Variants in LRRC8B observed in about 807,000 individuals in gnomAD.
LRRC8B encodes volume-regulated anion channel subunit LRRC8B.
Under a neutral mutation model 58.8 loss-of-function variants are expected in LRRC8B, and 23 were observed. The observed-to-expected ratio is 0.39, with a 90% CI of 0.28 to 0.55. The LOEUF is 0.55. LRRC8B is among the 20% of genes least tolerant of loss of function. The probability of loss-of-function intolerance (pLI) is 0.62; values close to 1 mark genes in which losing one functional copy is unlikely to be tolerated. For synonymous variants in LRRC8B, 359 were observed against 374.1 expected, an observed-to-expected ratio of 0.96 and a Z score of 0.47; for missense variants, 694 against 936.0, an observed-to-expected ratio of 0.74 and a Z score of 3.37.
intron 1 of LRRC8B, among the ~76,000 whole-genome samples, chr1:89,540,066 A>G (rs1650841146): frequency 1.3e-5 from 2 of 152,190 alleles, no homozygotes; most frequent in Admixed American, 6.5e-5. Flanking sequence ...ATCTTCACGT[A>G]TCATTTCTGG....
rs1354328515 is a variant in LRRC8B, at chr1:89,584,283, T to G, written c.1633T>G (p.Leu545Val). 8 of 1,613,882 alleles carry G rather than the reference T, an allele frequency of 5.0e-6. No homozygotes were observed. Among genetic ancestry groups the G allele is most frequent in the Non-Finnish European group, 6.8e-6 (8 of 1,180,036 alleles). Residue 545 changes from leucine to valine, a missense_variant, in exon 5 of 6, where the codon TTG becomes GTG. By Grantham distance (32) the Leu-to-Val change is conservative. This residue lies in a region of LRRC8B where 162 missense variants were observed against 198.5 expected (regional missense o/e 0.82). Transcript: ENST00000330947. The stretch of plus-strand genomic sequence containing the variant: ...CTTAAAAAATCTAAGGACCCTGTAC[T>G]TGAAGAGCAGCCTCTCCCGGATCCC... ...QDLKNLRTLYLKSSLSRIPQV... is the reference protein window; with the variant it reads ...QDLKNLRTLYVKSSLSRIPQV...
intron 1 of LRRC8B, among the ~76,000 whole-genome samples, chr1:89,562,168 C>CACACACACACAT (rs1553157004): frequency 6.6e-6 from 1 of 151,800 alleles, no homozygotes; most frequent in Admixed American, 6.6e-5. Flanking sequence ...CACACACACA[C>CACACACACACAT]ACACACACAC....
intron 1 of LRRC8B, among the ~76,000 whole-genome samples, chr1:89,532,956 T>G (rs1650248519): frequency 6.6e-6 from 1 of 152,200 alleles, no homozygotes; most frequent in Non-Finnish European, 1.5e-5. Context: ...CCTTGCTTTA[T>G]TCTCCCTACA....
intron 1 of LRRC8B, among the ~76,000 whole-genome samples, chr1:89,538,350 G>A (rs1371779129): frequency 1.3e-5 from 2 of 152,196 alleles, no homozygotes; most frequent in African/African-American, 2.4e-5. Context: ...GCATGGCAAA[G>A]AACAGTTAGG....
chr1:89,594,508 TA>T lies in LRRC8B; in HGVS notation c.*1468del, dbSNP rs1474431231. On this transcript the variant is annotated 3_prime_UTR_variant, in exon 6 of 6. Coordinates refer to ENST00000330947, the MANE Select transcript of LRRC8B (RefSeq NM_001369817.2). ...TACTTTATAGAAATTTAGTAAGAGTTAAAGCAAAAGACTTTTTTTCCCTCCA... is the reference window on the plus strand; with the variant it reads ...TACTTTATAGAAATTTAGTAAGAGTTAAGCAAAAGACTTTTTTTCCCTCCA... 2 of 152,150 alleles carry T rather than the reference TA, an allele frequency of 1.3e-5. No homozygotes were observed. Among genetic ancestry groups the T allele is most frequent in the African/African-American group, 2.4e-5 (1 of 41,452 alleles). The allele number at this position is 152,150 out of a possible 1,614,324, so 9.4% of individuals were successfully genotyped here.
At position 89,583,552 on chromosome 1, in the gene LRRC8B, G is replaced by A. The variant is rs115423692; in HGVS notation, c.902G>A (p.Arg301His). The A allele has an allele frequency of 1.0e-4, 169 of 1,611,726 alleles. No individual in the cohort carries two copies. In the African/African-American group the frequency reaches 1.8e-3, roughly 17 times the overall value. Residue 301 changes from arginine (R) to histidine (H), a missense_variant, in exon 5 of 6, where the codon CGC becomes CAC. Around this residue, in one of 5 missense-constraint regions of LRRC8B, gnomAD observed 316 missense variants for 403.8 expected, o/e 0.78. Transcript: ENST00000330947. The surrounding 1 kb of genome is among the most constrained non-coding windows in gnomAD (Gnocchi z 5.2). ...VDVQAFTGYK[R>H]YQCVYSLAEI... ...GTGCAGGCTTTTACAGGATATAAGC[G>A]CTACCAGTGTGTCTATTCCTTGGCA...
chr1:89,565,442 C>G (rs892534278), intron 1 of LRRC8B, among the ~76,000 whole-genome samples: 1 of 152,200 alleles, frequency 6.6e-6, no homozygotes, highest in African/African-American at 2.4e-5. Flanking sequence ...ATTTGTAAAA[C>G]ATCCCATTTG....
At chr1:89,525,450 A>AG (rs1649607103) in intron 1 of LRRC8B, among the ~76,000 whole-genome samples, 3 of 152,140 alleles carry the variant, frequency 2.0e-5, no homozygotes, top group African/African-American at 7.2e-5. Flanking sequence ...GGGTGCCCCC[A>AG]TTTGGTCGCT....
rs1654323802 is a variant in LRRC8B, at chr1:89,582,761, G to T, written c.111G>T (p.Leu37=). ...ATTACATCACACTGATCATGCTGCTGGTGGCCGTGCTGGCCGGAGCTCTCC... is the reference window on the plus strand; with the variant it reads ...ATTACATCACACTGATCATGCTGCTTGTGGCCGTGCTGGCCGGAGCTCTCC... ...FWYYITLIML[L]VAVLAGALQL... Residue 37 remains leucine (L), a synonymous_variant, in exon 5 of 6, where the codon CTG becomes CTT. Transcript: ENST00000330947. The T allele has an allele frequency of 6.2e-7, 1 of 1,614,064 alleles. No individual in the cohort carries two copies. The highest frequency in any genetic ancestry group is 1.3e-5 in the African/African-American group (1 of 74,914).
intron 1 of LRRC8B, among the ~76,000 whole-genome samples, chr1:89,547,826 G>A (rs1196090651): frequency 6.6e-6 from 1 of 152,072 alleles, no homozygotes; most frequent in Non-Finnish European, 1.5e-5. Flanking sequence ...GGGGGTGCGG[G>A]GCATTCATTT....
At chr1:89,591,674 A>G (rs948693463) in intron 5 of LRRC8B, among the ~76,000 whole-genome samples, 7 of 152,128 alleles carry the variant, frequency 4.6e-5, no homozygotes, top group African/African-American at 1.7e-4. Flanking sequence ...TATAAAAGCT[A>G]TTTATCCTTT....
intron 1 of LRRC8B, among the ~76,000 whole-genome samples, chr1:89,544,991 G>C (rs1362500523): frequency 6.6e-6 from 1 of 152,130 alleles, no homozygotes; most frequent in Non-Finnish European, 1.5e-5. Context: ...AACGTAATAG[G>C]AAGTTTTCTT....
chr1:89,535,634 A>G (rs1650472166), intron 1 of LRRC8B, among the ~76,000 whole-genome samples: 1 of 152,232 alleles, frequency 6.6e-6, no homozygotes, highest in African/African-American at 2.4e-5. Flanking sequence ...AGAATGTACA[A>G]ACTCACCTAG....
rs140169749 is a variant in LRRC8B, at chr1:89,593,821, C to T, written c.*778C>T. 1.3e-5 allele frequency: 2 copies of T among 152,162 alleles called. No homozygotes were observed. Among genetic ancestry groups the T allele is most frequent in the African/African-American group, 4.8e-5 (2 of 41,530 alleles). The allele number at this position is 152,162 out of a possible 1,614,324, so 9.4% of individuals were successfully genotyped here. A position where few individuals can be genotyped will look rare whatever the true frequency, so the allele number is the denominator to read the frequency against. On this transcript the variant is annotated 3_prime_UTR_variant, in exon 6 of 6. Transcript: ENST00000330947. ...TCACGACTGTCTTTGATTTATGTTCCTAAATTTTTTTAGATAGGGTATGTT... is the reference window on the plus strand; with the variant it reads ...TCACGACTGTCTTTGATTTATGTTCTTAAATTTTTTTAGATAGGGTATGTT...
At chr1:89,543,978 T>C (rs965679548) in intron 1 of LRRC8B, among the ~76,000 whole-genome samples, 20 of 152,110 alleles carry the variant, frequency 1.3e-4, no homozygotes, top group Non-Finnish European at 2.5e-4. Flanking sequence ...TAATTATTTG[T>C]AGAGATGAAG....
rs1238009462 is a variant in LRRC8B, at chr1:89,596,094, TTAAG to T, written c.*3054_*3057del. 1 of 152,072 alleles carries T rather than the reference TTAAG, an allele frequency of 6.6e-6. No homozygotes were observed. Among genetic ancestry groups the T allele is most frequent in the African/African-American group, 2.4e-5 (1 of 41,414 alleles). 9.4% of individuals were successfully genotyped at this position (152,072 alleles called of 1,614,324 possible). On this transcript the variant is annotated 3_prime_UTR_variant, in exon 6 of 6. Transcript: ENST00000330947. ...AAATTGCAGGAGGTTGTAGATTAAATTAAGTATGATAGCACGTTTTTTAATTCAT... is the reference window on the plus strand; with the variant it reads ...AAATTGCAGGAGGTTGTAGATTAAATTATGATAGCACGTTTTTTAATTCAT...
rs1193276616 is a variant in LRRC8B, at chr1:89,596,013, T to G, written c.*2970T>G. ...TGCATGCACACACAGACACACATAC[T>G]TCATATATGCAAATTATAGCATTAG... On this transcript the variant is annotated 3_prime_UTR_variant, in exon 6 of 6. Transcript: ENST00000330947. 1 of 152,104 alleles carries G rather than the reference T, an allele frequency of 6.6e-6. No homozygotes were observed. Among genetic ancestry groups the G allele is most frequent in the Non-Finnish European group, 1.5e-5 (1 of 67,952 alleles). The allele number at this position is 152,104 out of a possible 1,614,324, so 9.4% of individuals were successfully genotyped here.
chr1:89,536,124 T>A (rs1249577862), intron 1 of LRRC8B, among the ~76,000 whole-genome samples: 7 of 152,192 alleles, frequency 4.6e-5, no homozygotes, highest in African/African-American at 1.7e-4. Flanking sequence ...ACACATCACT[T>A]ACTATGATAG....
rs1204197862 is a variant in LRRC8B, at chr1:89,596,550, A to G, written c.*3507A>G. On this transcript the variant is annotated 3_prime_UTR_variant, in exon 6 of 6. Transcript: ENST00000330947. ...TTGCATAATATTGATGGGTTCAAAAACCATTAAAATAATCAAACAATTATT... is the reference window on the plus strand; with the variant it reads ...TTGCATAATATTGATGGGTTCAAAAGCCATTAAAATAATCAAACAATTATT... 3.3e-5 allele frequency: 5 copies of G among 152,194 alleles called. No homozygotes were observed. Among genetic ancestry groups the G allele is most frequent in the African/African-American group, 9.6e-5 (4 of 41,518 alleles). 9.4% of individuals were successfully genotyped at this position (152,194 alleles called of 1,614,324 possible).
Sources: allele counts gnomAD v4.1 joint callset (sites outside exome capture counted in the v4.1 genomes callset), GRCh38; gene constraint gnomAD v4.1.1; regional missense constraint gnomAD v4.1.1; non-coding constraint Gnocchi (gnomAD v3.1); transcripts MANE v1.5; gene names NCBI Gene and HGNC (gene_info 2026-07-23, HGNC 2026-07-21).